IL12RB1: variants seen among roughly 807,000 people sequenced by gnomAD.
The protein encoded by IL12RB1 is interleukin-12 receptor subunit beta-1.
Under a neutral mutation model 94.4 loss-of-function variants are expected in IL12RB1, and 64 were observed. The observed-to-expected ratio is 0.68, with a 90% CI of 0.55 to 0.83. The LOEUF (loss-of-function observed/expected upper bound fraction) is 0.83, where lower values mean the gene tolerates loss of function less well. Among genes scored for constraint, IL12RB1 ranks in the 40% least tolerant of loss-of-function variants. The pLI is 0.00. For synonymous variants in IL12RB1, 362 were observed against 355.5 expected (o/e 1.02, Z -0.21); for missense variants, 814 against 855.6 (o/e 0.95, Z 0.61).
chr19:18,062,749 G>T (rs2034238526), intron 13 of IL12RB1, among the ~76,000 whole-genome samples: 1 of 151,676 alleles, frequency 6.6e-6, no homozygotes, highest in Admixed American at 6.6e-5. Context: ...TCCAGCCTCG[G>T]CAATAAGAGG....
chr19:18,062,998 TTCCTCCTCC>T (rs66462934), intron 13 of IL12RB1, among the ~76,000 whole-genome samples: 6 of 90,736 alleles, frequency 6.6e-5, no homozygotes, highest in East Asian at 2.5e-4. Context: ...TGTTGTTCTC[TTCCTCCTCC>T]TCCTCCTCCT....
chr19:18,064,531 G>A (rs1461887525), intron 12 of IL12RB1, among the ~76,000 whole-genome samples: 1 of 150,308 alleles, frequency 6.7e-6, no homozygotes. Flanking sequence ...GGAGTGCAGT[G>A]GCACAATCTC....
intron 1 of IL12RB1, chr19:18,097,907 G>T: frequency 8.7e-7 from 1 of 1,148,032 alleles, no homozygotes; most frequent in Non-Finnish European, 1.1e-6. Context: ...GCCGGGAGGG[G>T]CGGGGCCTTC....
At chr19:18,076,172 TA>T in intron 6 of IL12RB1, 124 bp downstream of exon 6, 1 of 733,324 alleles carries the variant, frequency 1.4e-6, no homozygotes, top group Non-Finnish European at 2.5e-6. Flanking sequence ...AAGAATCCAA[TA>T]CTGAACTATG....
chr19:18,088,277 T>G (rs527731784), upstream of IL12RB1, among the ~76,000 whole-genome samples: 1 of 151,814 alleles, frequency 6.6e-6, no homozygotes, highest in Admixed American at 6.6e-5. Context: ...TCCCAGCTAC[T>G]GAGGAGGCTG....
chr19:18,059,317 G>C lies in IL12RB1; in HGVS notation c.*291C>G. ...GTGGATGCCCAGCCCAGGGTCCAGGGATCCATCTGAGCCCCCCTTGCCCCC... is the reference window on the plus strand; with the variant it reads ...GTGGATGCCCAGCCCAGGGTCCAGGCATCCATCTGAGCCCCCCTTGCCCCC... On this transcript the variant is annotated 3_prime_UTR_variant, in exon 17 of 17. Coordinates refer to ENST00000593993, the MANE Select transcript of IL12RB1 (RefSeq NM_005535.3). 1.9e-6 allele frequency: 1 copy of C among 540,422 alleles called. No individual in the cohort carries two copies. The highest frequency in any genetic ancestry group is 3.4e-6 in the Non-Finnish European group (1 of 298,448). 33.5% of individuals were successfully genotyped at this position (540,422 alleles called of 1,614,324 possible).
At chr19:18,076,238 G>A in intron 6 of IL12RB1, 59 bp downstream of exon 6, 1 of 856,218 alleles carries the variant, frequency 1.2e-6, no homozygotes. Flanking sequence ...CATACAGTAG[G>A]TGCTCAATTA....
chr19:18,092,437 C>A (rs747366600), intron 1 of IL12RB1, among the ~76,000 whole-genome samples: 3 of 151,752 alleles, frequency 2.0e-5, no homozygotes, highest in Non-Finnish European at 4.4e-5. Context: ...TTGCGGTGAG[C>A]CAAGATCGTG....
intron 12 of IL12RB1, among the ~76,000 whole-genome samples, chr19:18,065,085 C>T (rs2034484163): frequency 6.6e-6 from 1 of 152,220 alleles, no homozygotes; most frequent in Non-Finnish European, 1.5e-5. Flanking sequence ...GCTGCCCTGC[C>T]TGTGGGGCGT....
chr19:18,071,582 T>C (rs886363235), intron 9 of IL12RB1, among the ~76,000 whole-genome samples: 1 of 151,988 alleles, frequency 6.6e-6, no homozygotes, highest in Non-Finnish European at 1.5e-5. Flanking sequence ...AGCCCAGAAG[T>C]TCAAGTCCAG....
chr19:18,090,099 T>C (rs2036566373), upstream of IL12RB1, among the ~76,000 whole-genome samples: 1 of 152,182 alleles, frequency 6.6e-6, no homozygotes, highest in African/African-American at 2.4e-5. Flanking sequence ...GGGTGGATTA[T>C]GCCTGTAATC....
rs191062711 is a variant in IL12RB1 at position 18,069,575 on chromosome 19, G to A, written c.1160C>T (p.Ala387Val). Residue 387 changes from alanine to valine, a missense_variant, in exon 10 of 17, where the codon GCG becomes GTG. By Grantham distance (64) the Ala-to-Val change is moderately conservative. Coordinates refer to ENST00000593993, the MANE Select transcript of IL12RB1 (RefSeq NM_005535.3). ...DGGLATCSLT[A>V]PQDPDPAGMA... Reference sequence around the variant, plus strand: ...TCCAGCCGGATCCGGGTCTTGCGGCGCAGTCAGGCTGCAGGTGGCAAGGCC... The same window carrying A: ...TCCAGCCGGATCCGGGTCTTGCGGCACAGTCAGGCTGCAGGTGGCAAGGCC... 1.8e-5 allele frequency: 29 copies of A among 1,611,230 alleles called. No individual in the cohort carries two copies. The highest frequency in any genetic ancestry group is 3.3e-4 in the Middle Eastern group (2 of 6,028).
rs587776680 is a variant in IL12RB1, at chr19:18,072,111, C to T, written c.1021+1G>A. Reference sequence around the variant, plus strand: ...CCGCCCTCCCCACCCAGAGGAGGCACCTGTGTGGGTGTCGGCAGGAATGTG... The same window carrying T: ...CCGCCCTCCCCACCCAGAGGAGGCATCTGTGTGGGTGTCGGCAGGAATGTG... On this transcript the variant is annotated splice_donor_variant, in intron 9 of 16. Transcript: ENST00000593993. LOFTEE classifies it high-confidence loss of function. 1.2e-6 allele frequency: 2 copies of T among 1,600,420 alleles called. No individual in the cohort carries two copies. The highest frequency in any genetic ancestry group is 1.3e-5 in the African/African-American group (1 of 74,618).
chr19:18,080,585 G>A (rs1484929932), intron 4 of IL12RB1, among the ~76,000 whole-genome samples: 2 of 152,100 alleles, frequency 1.3e-5, no homozygotes, highest in Non-Finnish European at 2.9e-5. Context: ...ACCCAACCAG[G>A]TCTTGGCAGC....
intron 4 of IL12RB1, among the ~76,000 whole-genome samples, chr19:18,080,602 G>T (rs577574434): frequency 6.6e-6 from 1 of 152,150 alleles, no homozygotes; most frequent in Non-Finnish European, 1.5e-5. Context: ...CAGCATTATG[G>T]CTAGCAGAGA....
rs1404930451 is a variant in IL12RB1 at position 18,083,416 on chromosome 19, A to G, written c.124+16T>C. The G allele has an allele frequency of 8.1e-6, 13 of 1,613,174 alleles. No homozygotes were observed. The highest frequency in any genetic ancestry group is 1.0e-5 in the Non-Finnish European group (12 of 1,179,168). ...CCTACATAATCCTCAGCCAACAATG[A>G]GGAACTGCCCCGAACCTGAGTCTGC... On this transcript the variant is annotated intron_variant, in intron 2 of 16. Coordinates refer to ENST00000593993, the MANE Select transcript of IL12RB1 (RefSeq NM_005535.3).
chr19:18,069,626 T>G lies in IL12RB1; in HGVS notation c.1109A>C (p.Glu370Ala), dbSNP rs377297712. Residue 370 changes from glutamate to alanine, a missense_variant, in exon 10 of 17, where the codon GAA becomes GCA. Glu to Ala is a moderately radical substitution (Grantham distance 107). Transcript: ENST00000593993. ...ARAQSMTYCI[E>A]WQPVGQDGGL... The stretch of plus-strand genomic sequence containing the variant: ...CCCGTCCTGGCCCACAGGCTGCCAT[T>G]CAATGCAATACGTCATGCTCTGAGC... 1.2e-6 allele frequency: 2 copies of G among 1,613,416 alleles called. No homozygotes were observed. Among genetic ancestry groups the G allele is most frequent in the African/African-American group, 2.7e-5 (2 of 74,938 alleles).
At position 18,072,224 on chromosome 19, in the gene IL12RB1, C is replaced by T. The variant is rs368876586; in HGVS notation, c.909G>A (p.Leu303=). The T allele has an allele frequency of 2.5e-6, 4 of 1,614,136 alleles. No individual in the cohort carries two copies. The highest frequency in any genetic ancestry group is 2.5e-6 in the Non-Finnish European group (3 of 1,179,982). ...CKAKATRTLH[L]GKMPYLSGAA... ...CACCCGAGAGATAGGGCATCTTCCCCAGGTGCAGGGTCCTGGTGGCCTTGG... is the reference window on the plus strand; with the variant it reads ...CACCCGAGAGATAGGGCATCTTCCCTAGGTGCAGGGTCCTGGTGGCCTTGG... The change falls in exon 9 of 17, where the codon CTG becomes CTA. Residue 303 remains leucine (L), a synonymous_variant. Transcript: ENST00000593993.
At chr19:18,080,748 G>T in intron 4 of IL12RB1, 84 bp downstream of exon 4, 2 of 915,760 alleles carry the variant, frequency 2.2e-6, no homozygotes, top group South Asian at 2.6e-5. Context: ...CTTGCCAAGG[G>T]CCAGGAATCC....
Sources: allele counts gnomAD v4.1 joint callset (sites outside exome capture counted in the v4.1 genomes callset), GRCh38; gene constraint gnomAD v4.1.1; transcripts MANE v1.5; gene names NCBI Gene and HGNC (gene_info 2026-07-23, HGNC 2026-07-21).